Variants in ARIH1 observed in about 807,000 individuals in gnomAD.
ARIH1 encodes the protein ariadne RBR E3 ubiquitin protein ligase 1.
In ARIH1, 8 loss-of-function variants were observed where a neutral mutation model predicts 85.0. The observed-to-expected ratio is 0.09, with a 90% CI of 0.06 to 0.17. The LOEUF (loss-of-function observed/expected upper bound fraction) is 0.17. ARIH1 is among the 10% of genes least tolerant of loss of function. ARIH1 has a pLI of 1.00. For synonymous variants in ARIH1, 238 were observed against 253.6 expected (o/e 0.94, Z 0.59); for missense variants, 311 against 718.1 (o/e 0.43, Z 6.48).
intron 1 of ARIH1, among the ~76,000 whole-genome samples, chr15:72,493,154 T>A (rs1567338625): frequency 6.6e-6 from 1 of 152,206 alleles, no homozygotes; most frequent in African/African-American, 2.4e-5. Context: ...TGTAGCTTTT[T>A]ACCTGAACCT....
At chr15:72,533,900 C>G (rs906980161) in intron 2 of ARIH1, among the ~76,000 whole-genome samples, 1 of 152,012 alleles carries the variant, frequency 6.6e-6, no homozygotes, top group African/African-American at 2.4e-5. Context: ...GAGTGAGACC[C>G]TGTCTCAAAA....
intron 12 of ARIH1, among the ~76,000 whole-genome samples, 194 bp downstream of exon 12, chr15:72,581,185 A>AGGCT (rs773459315): frequency 3.5e-4 from 53 of 152,230 alleles, no homozygotes; most frequent in Non-Finnish European, 6.9e-4. Context: ...TGGTTTAGCC[A>AGGCT]GCTAGTGATT....
intron 2 of ARIH1, among the ~76,000 whole-genome samples, chr15:72,536,507 T>A (rs956504921): frequency 2.0e-5 from 3 of 152,180 alleles, no homozygotes; most frequent in African/African-American, 7.2e-5. Flanking sequence ...TTAGCAAAAT[T>A]TTTTATCGTA....
intron 2 of ARIH1, among the ~76,000 whole-genome samples, chr15:72,539,526 G>A (rs2415135): frequency 0.77 from 117,264 of 152,112 alleles, 51,494 homozygotes; most frequent in Non-Finnish European, 0.96. Context: ...AAATAGAGCA[G>A]GCATTACAGA....
chr15:72,589,409 A>C lies in ARIH1; in HGVS notation c.*6117A>C, dbSNP rs1296684374. On this transcript the variant is annotated 3_prime_UTR_variant, in exon 14 of 14. Coordinates refer to ENST00000379887, the MANE Select transcript of ARIH1 (RefSeq NM_005744.5). ...AAAGATAAGGATACAGAGCTGTCTC[A>C]GAGACTCCCAAAGGCAGGATGAGAT... 6.6e-6 allele frequency: 1 copy of C among 152,260 alleles called. No homozygotes were observed. The highest frequency in any genetic ancestry group is 2.4e-5 in the African/African-American group (1 of 41,470). 9.4% of individuals were successfully genotyped at this position (152,260 alleles called of 1,614,324 possible).
rs911399427 is a variant in ARIH1 at position 72,592,109 on chromosome 15, A to G, written c.*8817A>G. ...TTTTACTCCATTTTTACTCGCTTGCAATAAAGTAGGTTAAGTGCTGTACTT... is the reference window on the plus strand; with the variant it reads ...TTTTACTCCATTTTTACTCGCTTGCGATAAAGTAGGTTAAGTGCTGTACTT... On this transcript the variant is annotated 3_prime_UTR_variant, in exon 14 of 14. Coordinates refer to ENST00000379887, the MANE Select transcript of ARIH1 (RefSeq NM_005744.5). 9.2e-5 allele frequency: 14 copies of G among 152,248 alleles called. No individual in the cohort carries two copies. The highest frequency in any genetic ancestry group is 7.8e-4 in the Admixed American group (12 of 15,290). The allele number at this position is 152,248 out of a possible 1,614,324, so 9.4% of individuals were successfully genotyped here. A position where few individuals can be genotyped will look rare whatever the true frequency, so the allele number is the denominator to read the frequency against.
intron 1 of ARIH1, among the ~76,000 whole-genome samples, chr15:72,482,910 G>A (rs982491287): frequency 6.0e-5 from 9 of 149,032 alleles, no homozygotes; most frequent in Non-Finnish European, 1.2e-4. Flanking sequence ...GCATAATCTC[G>A]GCTCATTGCA....
At chr15:72,563,643 C>A in intron 7 of ARIH1, 143 bp downstream of exon 7, 2 of 645,174 alleles carry the variant, frequency 3.1e-6, no homozygotes, top group Non-Finnish European at 5.2e-6. Context: ...GTATATATCT[C>A]TTTCAGAATT....
At chr15:72,531,255 T>TTTTATTTA (rs369243037) in intron 2 of ARIH1, among the ~76,000 whole-genome samples, 157 of 151,834 alleles carry the variant, frequency 1.0e-3, no homozygotes, top group African/African-American at 2.6e-3. Flanking sequence ...AAATCCACAT[T>TTTTATTTA]TTTATTTATT....
intron 5 of ARIH1, among the ~76,000 whole-genome samples, chr15:72,556,499 G>A (rs1045046016): frequency 7.3e-4 from 111 of 152,222 alleles, no homozygotes; most frequent in African/African-American, 2.6e-3. Context: ...CTGAAACACT[G>A]CTGCTGATTT....
chr15:72,558,328 A>G (rs927656361), intron 5 of ARIH1, among the ~76,000 whole-genome samples: 1 of 152,146 alleles, frequency 6.6e-6, no homozygotes, highest in Non-Finnish European at 1.5e-5. Flanking sequence ...GGTGAATTAC[A>G]TTTATTGGTT....
chr15:72,506,367 A>AAAAAAAAAAAG (rs1484771881), intron 1 of ARIH1, among the ~76,000 whole-genome samples: 343 of 140,734 alleles, frequency 2.4e-3, no homozygotes, highest in Non-Finnish European at 4.0e-3. Context: ...AAAAAAAAAG[A>AAAAAAAAAAAG]AAAAAAAAAA....
intron 2 of ARIH1, among the ~76,000 whole-genome samples, chr15:72,541,107 CAAA>C (rs1398717307): frequency 6.6e-6 from 1 of 152,152 alleles, no homozygotes; most frequent in Non-Finnish European, 1.5e-5. Flanking sequence ...GGTGATCAAA[CAAA>C]GAAACAGGTG....
At chr15:72,518,155 C>T (rs2063983347) in intron 2 of ARIH1, 21 bp downstream of exon 2, 1 of 1,574,986 alleles carries the variant, frequency 6.3e-7, no homozygotes, top group Non-Finnish European at 8.7e-7. Context: ...ATATTGTCAG[C>T]TTTGTACTTA....
chr15:72,529,020 G>T (rs911648065), intron 2 of ARIH1, among the ~76,000 whole-genome samples: 1 of 151,944 alleles, frequency 6.6e-6, no homozygotes, highest in Non-Finnish European at 1.5e-5. Context: ...CTAACACAGT[G>T]AAACCCCATC....
intron 1 of ARIH1, among the ~76,000 whole-genome samples, chr15:72,511,036 T>C (rs1019425570): frequency 6.6e-6 from 1 of 152,300 alleles, no homozygotes; most frequent in Admixed American, 6.5e-5. Flanking sequence ...TGATTGGCAT[T>C]GAGTGGAATC....
intron 2 of ARIH1, 91 bp from the exon 3 acceptor site, chr15:72,544,727 TTC>T (rs2064121830): frequency 6.2e-6 from 7 of 1,129,616 alleles, no homozygotes; most frequent in Non-Finnish European, 8.7e-6. Context: ...TTAATTCAAC[TTC>T]TTGCTTTTCC....
chr15:72,521,702 C>T (rs998446776), intron 2 of ARIH1, among the ~76,000 whole-genome samples: 3 of 152,036 alleles, frequency 2.0e-5, no homozygotes, highest in African/African-American at 7.3e-5. Context: ...GCACCCACCA[C>T]CATGCCTGGC....
chr15:72,512,857 G>A (rs868332232), intron 1 of ARIH1, among the ~76,000 whole-genome samples: 6 of 152,070 alleles, frequency 3.9e-5, no homozygotes, highest in African/African-American at 9.6e-5. Context: ...AATCTCTTAA[G>A]TATAATTGTG....
Sources: gnomAD v4.1 joint callset for allele counts (sites outside exome capture counted in the v4.1 genomes callset) on GRCh38, gnomAD v4.1.1 for gene constraint, MANE v1.5 for transcripts, NCBI Gene and HGNC (gene_info 2026-07-23, HGNC 2026-07-21) for gene names.